SLC2A2: variants seen among roughly 807,000 people sequenced by gnomAD.
SLC2A2 encodes solute carrier family 2, facilitated glucose transporter member 2.
Under a neutral mutation model 54.5 loss-of-function variants are expected in SLC2A2, and 36 were observed. The observed-to-expected ratio is 0.66, with a 90% CI of 0.51 to 0.87. The LOEUF (loss-of-function observed/expected upper bound fraction) is 0.87. Ranked by LOEUF, SLC2A2 falls within the 40% of genes least tolerant of loss-of-function variation. SLC2A2 has a pLI of 0.00. For missense variants in SLC2A2, 543 were observed against 624.3 expected (o/e 0.87, Z 1.39); for synonymous variants, 223 against 219.1 (o/e 1.02, Z -0.16).
At chr3:170,999,616 A>AT (rs536892756) in intron 8 of SLC2A2, among the ~76,000 whole-genome samples, 21 of 152,172 alleles carry the variant, frequency 1.4e-4, no homozygotes, top group Non-Finnish European at 2.8e-4. Flanking sequence ...TCTGTGCACT[A>AT]TTGACACCGG....
At chr3:171,020,875 C>T (rs905418100) in intron 1 of SLC2A2, among the ~76,000 whole-genome samples, 10 of 151,312 alleles carry the variant, frequency 6.6e-5, no homozygotes, top group African/African-American at 2.4e-4. Context: ...CAAAGCAAGA[C>T]CCTGTCTCAA....
At chr3:171,011,395 A>T (rs1715875199) in intron 3 of SLC2A2, among the ~76,000 whole-genome samples, 1 of 152,150 alleles carries the variant, frequency 6.6e-6, no homozygotes, top group African/African-American at 2.4e-5. Context: ...TTGTGCTTCA[A>T]AGATGGAAGA....
At chr3:171,008,003 T>C (rs949702607) in intron 4 of SLC2A2, among the ~76,000 whole-genome samples, 23 of 152,122 alleles carry the variant, frequency 1.5e-4, no homozygotes, top group African/African-American at 5.5e-4. Context: ...TAAATGCACA[T>C]GTAATCAGTC....
chr3:171,024,823 G>C (rs1392908531), intron 1 of SLC2A2, among the ~76,000 whole-genome samples: 2 of 152,110 alleles, frequency 1.3e-5, no homozygotes, highest in Non-Finnish European at 2.9e-5. Flanking sequence ...TCAAAGTCTG[G>C]ATAGATTCAC....
chr3:171,004,537 C>T (rs537891891), intron 7 of SLC2A2, among the ~76,000 whole-genome samples: 1 of 151,824 alleles, frequency 6.6e-6, no homozygotes, highest in South Asian at 2.1e-4. Context: ...CATTGGCTCA[C>T]TACAGCAAAT....
Position 171,023,189 on chromosome 3 carries a change from A to G in SLC2A2, c.15+3467T>C, listed in dbSNP as rs1716541275. ...CTGCAGTTCCTTATTTTAACTCCTC[A>G]AGATAGAATTTTACCAGGTTGGTCA... On this transcript the variant is annotated intron_variant, in intron 1 of 10. Transcript: ENST00000314251. Among the ~76,000 whole-genome samples, 3 of 152,198 alleles carry G rather than the reference A, an allele frequency of 2.0e-5. No homozygotes were observed. The South Asian group carries it at 6.2e-4, about 32-fold the overall frequency.
chr3:171,007,365 C>G, intron 4 of SLC2A2, 102 bp from the exon 5 acceptor site: 1 of 727,346 alleles, frequency 1.4e-6, no homozygotes, highest in South Asian at 1.5e-5. Flanking sequence ...AAGCCCCTCC[C>G]TGAATTCACT....
chr3:171,016,382 A>T (rs1225753694), intron 2 of SLC2A2, among the ~76,000 whole-genome samples: 2 of 152,010 alleles, frequency 1.3e-5, no homozygotes, highest in Non-Finnish European at 2.9e-5. Flanking sequence ...GTTGAAGTGA[A>T]AATCTCCAGC....
chr3:171,022,178 C>T (rs191420409), intron 1 of SLC2A2, among the ~76,000 whole-genome samples: 1 of 152,330 alleles, frequency 6.6e-6, no homozygotes, highest in Admixed American at 6.5e-5. Flanking sequence ...TTTAACATCT[C>T]ACAGTTAGTA....
intron 1 of SLC2A2, among the ~76,000 whole-genome samples, chr3:171,023,096 A>G (rs1306671927): frequency 6.6e-6 from 1 of 152,178 alleles, no homozygotes; most frequent in East Asian, 1.9e-4. Flanking sequence ...GCGTGTTATT[A>G]AAGTCCTTAT....
In SLC2A2 at chr3:170,998,359, G is replaced by T; in HGVS notation, c.1208C>A (p.Ala403Asp). 1 of 1,613,636 alleles carries T rather than the reference G, an allele frequency of 6.2e-7. No individual in the cohort carries two copies. ...FSWMSYVSMI[A>D]IFLFVSFFEI... ...AAAGAAGCTGACAAAGAGGAAGATG[G>T]CTATCATGCTCACATAACTCATCCA... The change falls in exon 10 of 11, where the codon GCC becomes GAC. Residue 403 changes from alanine to aspartate, a missense_variant. Physicochemically the swap from Ala to Asp is moderately radical, Grantham distance 126. Coordinates refer to ENST00000314251, the MANE Select transcript of SLC2A2 (RefSeq NM_000340.2).
chr3:171,020,015 G>T (rs1396550202), intron 1 of SLC2A2, among the ~76,000 whole-genome samples: 2 of 152,144 alleles, frequency 1.3e-5, no homozygotes, highest in Non-Finnish European at 2.9e-5. Context: ...TTGGGATATA[G>T]TAGGAACTTT....
At position 171,012,820 on chromosome 3, in the gene SLC2A2, A is replaced by G. The variant is rs1219398827; in HGVS notation, c.371+1649T>C. 2.0e-5 allele frequency among the ~76,000 whole-genome samples: 3 copies of G among 152,136 alleles called. No homozygotes were observed. In the East Asian group the frequency reaches 5.8e-4, roughly 29 times the overall value. ...TTCAAGGGGGATCATTTTATTACTA[A>G]AAGCTAGGAGAAACCTCACTTTTTG... On this transcript the variant is annotated intron_variant, in intron 3 of 10. Transcript: ENST00000314251.
At chr3:171,004,910 A>G (rs2108242539) in intron 7 of SLC2A2, among the ~76,000 whole-genome samples, 1 of 151,924 alleles carries the variant, frequency 6.6e-6, no homozygotes, top group East Asian at 1.9e-4. Context: ...GGAACCCTTG[A>G]CTCCATTTGG....
rs1715148894 is a variant in SLC2A2, at chr3:170,997,781, G to C, written c.*122C>G. 13 of 820,880 alleles carry C rather than the reference G, an allele frequency of 1.6e-5. No homozygotes were observed. The South Asian group carries it at 1.8e-4, about 12-fold the overall frequency. 50.8% of individuals were successfully genotyped at this position (820,880 alleles called of 1,614,324 possible). ...GGTAATATTTGATGACATTTCTGATGAGAGCACATAAAAATAAAACAATAC... is the reference window on the plus strand; with the variant it reads ...GGTAATATTTGATGACATTTCTGATCAGAGCACATAAAAATAAAACAATAC... On this transcript the variant is annotated 3_prime_UTR_variant, in exon 11 of 11. Transcript: ENST00000314251.
At chr3:171,008,434 G>C (rs892290652) in intron 4 of SLC2A2, among the ~76,000 whole-genome samples, 13 of 152,052 alleles carry the variant, frequency 8.5e-5, no homozygotes, top group Non-Finnish European at 1.2e-4. Flanking sequence ...GAATAATGTA[G>C]ATAAGCTCAC....
Position 171,005,385 on chromosome 3 carries a change from T to G in SLC2A2, c.863A>C (p.Lys288Thr), listed in dbSNP as rs764161243. ...GGTGAAGAGCTGAATTATAGAGACT[T>G]TCTGCTCACTCGATGCTTCTTCTCT... ...KEREEASSEQ[K>T]VSIIQLFTNS... The change falls in exon 7 of 11, where the codon AAA becomes ACA. Residue 288 changes from lysine to threonine, a missense_variant. Lys to Thr is a moderately conservative substitution (Grantham distance 78, BLOSUM62 -1). Coordinates refer to ENST00000314251, the MANE Select transcript of SLC2A2 (RefSeq NM_000340.2). 1.6e-5 allele frequency: 26 copies of G among 1,612,766 alleles called. No homozygotes were observed. The highest frequency in any genetic ancestry group is 2.2e-5 in the Non-Finnish European group (26 of 1,179,222).
At chr3:171,006,579 C>T (rs1160132289) in intron 5 of SLC2A2, among the ~76,000 whole-genome samples, 1 of 151,950 alleles carries the variant, frequency 6.6e-6, no homozygotes, top group East Asian at 1.9e-4. Context: ...AGAACAATTA[C>T]TGTGATGAGA....
At chr3:171,015,321 T>C (rs1216311364) in intron 2 of SLC2A2, among the ~76,000 whole-genome samples, 1 of 151,928 alleles carries the variant, frequency 6.6e-6, no homozygotes, top group Non-Finnish European at 1.5e-5. Context: ...ATACTAAAAA[T>C]TACCCAGGCA....
Sources: allele counts gnomAD v4.1 joint callset (sites outside exome capture counted in the v4.1 genomes callset), GRCh38; gene constraint gnomAD v4.1.1; transcripts MANE v1.5; gene names NCBI Gene and HGNC (gene_info 2026-07-23, HGNC 2026-07-21).